The following SUGCT variants were observed in gnomAD, a reference collection of about 807,000 sequenced individuals.
SUGCT encodes succinyl-CoA:glutarate CoA-transferase.
Under a neutral mutation model 55.0 loss-of-function variants are expected in SUGCT, and 41 were observed. That is an observed-to-expected ratio of 0.74 (90% CI 0.58 to 0.97). The LOEUF is 0.97. Among genes scored for constraint, SUGCT ranks in the 50% least tolerant of loss-of-function variants. SUGCT has a pLI of 0.00. For synonymous variants in SUGCT, 187 were observed against 200.4 expected, an observed-to-expected ratio of 0.93 and a Z score of 0.56; for missense variants, 568 against 547.8, an observed-to-expected ratio of 1.04 and a Z score of -0.37.
chr7:40,867,099 C>T, the SUGCT span, among the ~76,000 whole-genome samples: 1 of 149,832 alleles, frequency 6.7e-6, no homozygotes, highest in East Asian at 2.0e-4. Flanking sequence ...TTACAAGACG[C>T]ATCCATGTAA....
chr7:40,949,793 T>G, the SUGCT span, among the ~76,000 whole-genome samples: 1 of 152,200 alleles, frequency 6.6e-6, no homozygotes, highest in Non-Finnish European at 1.5e-5. Flanking sequence ...CTGAGGGCTC[T>G]GTTCTGTTCC....
At chr7:40,793,912 G>A (rs1160313234) in intron 13 of SUGCT, among the ~76,000 whole-genome samples, 2 of 151,980 alleles carry the variant, frequency 1.3e-5, no homozygotes, top group Non-Finnish European at 1.5e-5. Context: ...TTTGCTAAAT[G>A]TCTCTTCATC....
chr7:40,714,052 G>A lies in SUGCT; in HGVS notation c.1090-35382G>A, dbSNP rs144268094. 2.0e-3 allele frequency among the ~76,000 whole-genome samples: 300 copies of A among 152,196 alleles called. 1 individual carries two copies. The highest frequency in any genetic ancestry group is 7.0e-3 in the African/African-American group (289 of 41,534). On this transcript the variant is annotated intron_variant, in intron 12 of 13. Coordinates refer to ENST00000335693, the MANE Select transcript of SUGCT (RefSeq NM_001193313.2). Reference sequence around the variant, plus strand: ...TAATCATTGAAAACAAAACAAGGCCGGGTGCAGTGGCTCATGCCTGTAATC... The same window carrying A: ...TAATCATTGAAAACAAAACAAGGCCAGGTGCAGTGGCTCATGCCTGTAATC...
chr7:40,951,311 T>A, the SUGCT span, among the ~76,000 whole-genome samples: 10 of 152,118 alleles, frequency 6.6e-5, no homozygotes, highest in African/African-American at 2.4e-4. Flanking sequence ...TGATATCCTA[T>A]CATTTTTTAT....
At chr7:40,827,542 C>G (rs1351835041) in intron 13 of SUGCT, among the ~76,000 whole-genome samples, 1 of 152,170 alleles carries the variant, frequency 6.6e-6, no homozygotes, top group African/African-American at 2.4e-5. Flanking sequence ...GTTCTCAAGT[C>G]AACTGAAATG....
At chr7:40,881,994 T>C in the SUGCT span, among the ~76,000 whole-genome samples, 1 of 152,236 alleles carries the variant, frequency 6.6e-6, no homozygotes, top group Admixed American at 6.5e-5. Flanking sequence ...TCTAAGTCTC[T>C]GAGAAAGGTC....
intron 12 of SUGCT, among the ~76,000 whole-genome samples, chr7:40,689,802 G>A (rs997666029): frequency 9.2e-5 from 14 of 152,094 alleles, no homozygotes; most frequent in African/African-American, 3.1e-4. Flanking sequence ...TGGGGAGAAG[G>A]ATATTGAGTG....
intron 13 of SUGCT, among the ~76,000 whole-genome samples, chr7:40,832,389 T>C (rs979049993): frequency 6.6e-6 from 1 of 152,166 alleles, no homozygotes; most frequent in African/African-American, 2.4e-5. Context: ...CATTTAATGT[T>C]GTGGTAGTAT....
the SUGCT span, among the ~76,000 whole-genome samples, chr7:40,911,780 C>G: frequency 1.3e-5 from 2 of 151,992 alleles, no homozygotes; most frequent in African/African-American, 4.8e-5. Context: ...TAAGAACCAT[C>G]GGTATAAAGG....
At chr7:40,253,914 C>T (rs1790618544) in intron 7 of SUGCT, among the ~76,000 whole-genome samples, 1 of 152,226 alleles carries the variant, frequency 6.6e-6, no homozygotes, top group Non-Finnish European at 1.5e-5. Context: ...TACCTTTACA[C>T]AACTTACTTG....
At chr7:40,928,789 T>A in the SUGCT span, among the ~76,000 whole-genome samples, 700 of 152,066 alleles carry the variant, frequency 4.6e-3, 1 homozygote, top group Non-Finnish European at 7.1e-3. Flanking sequence ...CAGTAGAGAC[T>A]GGGATTTCAC....
chr7:40,969,483 C>T, the SUGCT span, among the ~76,000 whole-genome samples: 2 of 152,096 alleles, frequency 1.3e-5, no homozygotes, highest in African/African-American at 2.4e-5. Context: ...GCCTTTGCCT[C>T]CTGAGTAGCT....
chr7:40,454,305 G>C (rs763911576), intron 10 of SUGCT, among the ~76,000 whole-genome samples: 1 of 152,128 alleles, frequency 6.6e-6, no homozygotes, highest in Admixed American at 6.5e-5. Context: ...TTAAATGCCC[G>C]TAGATTTAGT....
rs138197512 is a variant in SUGCT, at chr7:40,709,212, C to T, written c.1090-40222C>T. On this transcript the variant is annotated intron_variant, in intron 12 of 13. Coordinates refer to ENST00000335693, the MANE Select transcript of SUGCT (RefSeq NM_001193313.2). ...TGTTTGATGCCCTTTTGATAAGACT[C>T]CTATGGGTATTCCCACATGTGTTAA... 7.2e-5 allele frequency among the ~76,000 whole-genome samples: 11 copies of T among 152,310 alleles called. No individual in the cohort carries two copies. In the East Asian group the frequency reaches 2.1e-3, roughly 29 times the overall value.
intron 1 of SUGCT, chr7:40,153,748 T>C (rs954917378): frequency 2.4e-5 from 11 of 450,494 alleles, no homozygotes; most frequent in Non-Finnish European, 4.9e-5. Context: ...CATCACATCT[T>C]TATTGACCAA....
At chr7:40,537,899 A>G (rs1279388408) in intron 12 of SUGCT, among the ~76,000 whole-genome samples, 1 of 152,186 alleles carries the variant, frequency 6.6e-6, no homozygotes, top group African/African-American at 2.4e-5. Context: ...AATAATGTAT[A>G]TATGTTTTAT....
intron 7 of SUGCT, 130 bp from the exon 8 acceptor site, chr7:40,274,383 T>C: frequency 1.1e-6 from 1 of 875,276 alleles, no homozygotes; most frequent in Non-Finnish European, 1.7e-6. Context: ...TTATTAACTT[T>C]CTTGTGTGTA....
chr7:40,365,194 C>G (rs1251111861), intron 9 of SUGCT, among the ~76,000 whole-genome samples: 3 of 152,112 alleles, frequency 2.0e-5, no homozygotes, highest in Admixed American at 6.5e-5. Context: ...CAGAAAAGGC[C>G]TTTGACAAAA....
chr7:40,343,082 A>T (rs912431378), intron 9 of SUGCT, among the ~76,000 whole-genome samples: 2 of 152,140 alleles, frequency 1.3e-5, no homozygotes, highest in African/African-American at 4.8e-5. Context: ...CATGACTTTA[A>T]AAAAAATAAT....
Sources: gnomAD v4.1 joint callset for allele counts (sites outside exome capture counted in the v4.1 genomes callset) on GRCh38, gnomAD v4.1.1 for gene constraint, MANE v1.5 for transcripts, NCBI Gene and HGNC (gene_info 2026-07-23, HGNC 2026-07-21) for gene names.